The following CTDSP2 variants were observed in gnomAD, a reference collection of about 807,000 sequenced individuals.
CTDSP2 encodes the protein CTD small phosphatase 2.
CTDSP2 carries 9 observed loss-of-function variants against 31.6 expected under a neutral mutation model. The ratio of observed to expected loss-of-function variants is 0.28; its 90% CI spans 0.17 to 0.50. The LOEUF (loss-of-function observed/expected upper bound fraction) is 0.50, where lower values mean the gene tolerates loss of function less well. CTDSP2 is among the 20% of genes least tolerant of loss of function. CTDSP2 has a pLI of 0.98. For synonymous variants in CTDSP2, 134 were observed against 134.5 expected (o/e 1.00, Z 0.03); for missense variants, 267 against 348.5 (o/e 0.77, Z 1.86).
At chr12:57,832,649 G>A (rs574519537) in intron 1 of CTDSP2, among the ~76,000 whole-genome samples, 5 of 151,756 alleles carry the variant, frequency 3.3e-5, no homozygotes, top group South Asian at 2.1e-4. Context: ...AAAAGTAGCC[G>A]GGCGTAGTGG....
chr12:57,824,207 T>C lies in CTDSP2; in HGVS notation c.504+20A>G. 1 of 1,612,874 alleles carries C rather than the reference T, an allele frequency of 6.2e-7. No homozygotes were observed. Among genetic ancestry groups the C allele is most frequent in the Non-Finnish European group, 8.5e-7 (1 of 1,178,942 alleles). ...GGCCACCACACCCACTCCTGGTTCT[T>C]CCCTCTCACCCCTAGGTACCTTGGC... On this transcript the variant is annotated intron_variant, in intron 6 of 7. Coordinates refer to ENST00000398073, the MANE Select transcript of CTDSP2 (RefSeq NM_005730.4).
intron 1 of CTDSP2, among the ~76,000 whole-genome samples, chr12:57,840,772 G>C (rs1265611848): frequency 2.6e-5 from 4 of 151,792 alleles, no homozygotes; most frequent in Non-Finnish European, 4.4e-5. Flanking sequence ...ATGGGGGTGG[G>C]GGAAGGACTA....
chr12:57,829,713 G>A (rs903122618), intron 1 of CTDSP2, 117 bp from the exon 2 acceptor site: 7 of 822,634 alleles, frequency 8.5e-6, no homozygotes, highest in Non-Finnish European at 1.2e-5. Flanking sequence ...CACAGTATAC[G>A]GCTGGTGAAC....
Position 57,824,028 on chromosome 12 carries a change from C to T in CTDSP2, c.566G>A (p.Arg189His). The T allele has an allele frequency of 1.9e-6, 3 of 1,614,062 alleles. No individual in the cohort carries two copies. Among genetic ancestry groups the T allele is most frequent in the South Asian group, 1.1e-5 (1 of 91,066 alleles). The change falls in exon 7 of 8, where the codon CGT (arginine) becomes CAT (histidine). Residue 189 changes from arginine (R) to histidine (H), a missense_variant. Coordinates refer to ENST00000398073, the MANE Select transcript of CTDSP2 (RefSeq NM_005730.4). The part of the protein sequence containing the change: ...RCGVFRARLF[R>H]ESCVFHQGCY... Reference sequence around the variant, plus strand: ...GCCCTGGTGGAACACGCAAGACTCACGGAATAGGCGGGCCCGGAACACCCC... The same window carrying T: ...GCCCTGGTGGAACACGCAAGACTCATGGAATAGGCGGGCCCGGAACACCCC...
At chr12:57,827,201 C>T in intron 3 of CTDSP2, 104 bp from the exon 4 acceptor site, 1 of 816,068 alleles carries the variant, frequency 1.2e-6, no homozygotes. Flanking sequence ...GACACAATCA[C>T]CAACCCAGGA....
chr12:57,846,302 G>T, intron 1 of CTDSP2, 70 bp downstream of exon 1: 1 of 1,435,950 alleles, frequency 7.0e-7, no homozygotes, highest in Non-Finnish European at 9.6e-7. Flanking sequence ...CCGAGACCTG[G>T]GTTCGGGGCT....
rs780902760 is a variant in CTDSP2, at chr12:57,829,602, G to T, written c.65-6C>A. ...AGAGGACTTGGAGACCAGGCCTAGG[G>T]TGGAGAGAATGACAGAGGCTTTAGC... On this transcript the variant is annotated splice_polypyrimidine_tract_variant and splice_region_variant and intron_variant, in intron 1 of 7. Coordinates refer to ENST00000398073, the MANE Select transcript of CTDSP2 (RefSeq NM_005730.4). 6.2e-7 allele frequency: 1 copy of T among 1,613,260 alleles called. No homozygotes were observed. Among genetic ancestry groups the T allele is most frequent in the South Asian group, 1.1e-5 (1 of 91,064 alleles).
intron 1 of CTDSP2, among the ~76,000 whole-genome samples, chr12:57,837,856 G>A (rs1048753458): frequency 1.3e-5 from 2 of 152,260 alleles, no homozygotes; most frequent in East Asian, 3.9e-4. Context: ...CTGGGCAGGA[G>A]AGCTCCCTAT....
Position 57,846,618 on chromosome 12 carries a change from C to T in CTDSP2, c.-183G>A. The T allele has an allele frequency of 2.0e-6, 1 of 488,488 alleles. No individual in the cohort carries two copies. Among genetic ancestry groups the T allele is most frequent in the African/African-American group, 2.1e-5 (1 of 48,624 alleles). The allele number at this position is 488,488 out of a possible 1,614,324, so 30.3% of individuals were successfully genotyped here. A position where few individuals can be genotyped will look rare whatever the true frequency, so the allele number is the denominator to read the frequency against. On this transcript the variant is annotated 5_prime_UTR_variant, in exon 1 of 8. Coordinates refer to ENST00000398073, the MANE Select transcript of CTDSP2 (RefSeq NM_005730.4). ...GAAGGGAGGCGGCCTGTACAAAGGG[C>T]GGGCGGCCCGGGCAGCGGCTCCCCC...
intron 2 of CTDSP2, 87 bp downstream of exon 2, chr12:57,829,361 G>T: frequency 6.7e-7 from 1 of 1,493,442 alleles, no homozygotes; most frequent in South Asian, 1.2e-5. Context: ...TTCAGGCAAA[G>T]CTTCCTTGTC....
chr12:57,827,638 C>A (rs1204558630), intron 2 of CTDSP2, 48 bp from the exon 3 acceptor site: 1 of 1,580,712 alleles, frequency 6.3e-7, no homozygotes, highest in South Asian at 1.1e-5. Flanking sequence ...GCCTTTCCCA[C>A]CCCATCCAAA....
intron 1 of CTDSP2, among the ~76,000 whole-genome samples, chr12:57,842,101 C>A (rs1956285825): frequency 6.6e-6 from 1 of 151,934 alleles, no homozygotes; most frequent in Non-Finnish European, 1.5e-5. Flanking sequence ...AAAGACAATA[C>A]CCCAAATTAC....
At chr12:57,826,222 G>A in intron 5 of CTDSP2, 124 bp downstream of exon 5, 1 of 638,274 alleles carries the variant, frequency 1.6e-6, no homozygotes, top group Non-Finnish European at 2.6e-6. Context: ...GGAGGCTGGA[G>A]TTATAGAAAA....
intron 1 of CTDSP2, among the ~76,000 whole-genome samples, chr12:57,839,587 G>A (rs141052380): frequency 0.055 from 8,313 of 152,116 alleles, 273 homozygotes; most frequent in Admixed American, 0.069. Context: ...GCGTGGTGGC[G>A]GGCGCCTGTA....
chr12:57,846,508 G>T lies in CTDSP2; in HGVS notation c.-73C>A, dbSNP rs1387354205. 3 of 1,292,682 alleles carry T rather than the reference G, an allele frequency of 2.3e-6. No individual in the cohort carries two copies. Among genetic ancestry groups the T allele is most frequent in the East Asian group, 2.9e-5 (1 of 34,032 alleles). The allele number at this position is 1,292,682 out of a possible 1,614,324, so 80.1% of individuals were successfully genotyped here. ...CGCGCGGGCTGGGCTGGGCTGGGGGGCCTGGGCGGGGGCCCGCTCCGGCTC... is the reference window on the plus strand; with the variant it reads ...CGCGCGGGCTGGGCTGGGCTGGGGGTCCTGGGCGGGGGCCCGCTCCGGCTC... On this transcript the variant is annotated 5_prime_UTR_variant, in exon 1 of 8. Transcript: ENST00000398073.
At chr12:57,843,952 C>T (rs911176723) in intron 1 of CTDSP2, among the ~76,000 whole-genome samples, 8 of 152,036 alleles carry the variant, frequency 5.3e-5, no homozygotes, top group Admixed American at 2.6e-4. Context: ...AATCCCAGCA[C>T]TTTGGGAGGC....
At chr12:57,824,346 G>T in intron 5 of CTDSP2, 27 bp from the exon 6 acceptor site, 2 of 1,553,476 alleles carry the variant, frequency 1.3e-6, no homozygotes, top group Non-Finnish European at 1.8e-6. Context: ...CAGCCTGTTG[G>T]AGGCATCCCT....
At chr12:57,824,440 G>C in intron 5 of CTDSP2, 121 bp from the exon 6 acceptor site, 1 of 780,980 alleles carries the variant, frequency 1.3e-6, no homozygotes. Flanking sequence ...AGCCTCCTGG[G>C]CTACCTGGCT....
chr12:57,846,284 G>A (rs1397196621), intron 1 of CTDSP2, 88 bp downstream of exon 1: 8 of 1,281,728 alleles, frequency 6.2e-6, no homozygotes, highest in African/African-American at 3.0e-5. Flanking sequence ...AGCCCTGGAG[G>A]TCAAGGGCCG....
Sources: gnomAD v4.1 joint callset for allele counts (sites outside exome capture counted in the v4.1 genomes callset) on GRCh38, gnomAD v4.1.1 for gene constraint, MANE v1.5 for transcripts, NCBI Gene and HGNC (gene_info 2026-07-23, HGNC 2026-07-21) for gene names.